NOL4: variants seen among roughly 807,000 people sequenced by gnomAD.
NOL4 encodes cancer/testis antigen 125.
NOL4 carries 17 observed loss-of-function variants against 75.9 expected under a neutral mutation model. The ratio of observed to expected loss-of-function variants is 0.22; its 90% CI spans 0.15 to 0.34. NOL4 has a LOEUF of 0.34. NOL4 is among the 10% of genes least tolerant of loss of function. The pLI is 1.00. For synonymous variants in NOL4, 292 were observed against 289.9 expected (o/e 1.01, Z -0.07); for missense variants, 614 against 793.5 (o/e 0.77, Z 2.72).
chr18:33,950,400 A>C (rs1192820522), intron 8 of NOL4, among the ~76,000 whole-genome samples: 1 of 152,154 alleles, frequency 6.6e-6, no homozygotes, highest in Non-Finnish European at 1.5e-5. Context: ...ATGTCACACA[A>C]TAAAAATTAT....
intron 6 of NOL4, among the ~76,000 whole-genome samples, chr18:34,010,466 G>A (rs181311643): frequency 1.3e-5 from 2 of 151,986 alleles, no homozygotes; most frequent in Non-Finnish European, 2.9e-5. Flanking sequence ...AAACATGGAT[G>A]TACAGCTAGC....
chr18:34,137,779 T>TACACACACACACACAC (rs1156472289), intron 1 of NOL4, among the ~76,000 whole-genome samples: 38 of 147,152 alleles, frequency 2.6e-4, no homozygotes, highest in Non-Finnish European at 3.6e-4. Context: ...ATATACGAAA[T>TACACACACACACACAC]ACACACACAC....
chr18:34,152,312 G>A (rs1490567508), intron 1 of NOL4, among the ~76,000 whole-genome samples: 1 of 151,710 alleles, frequency 6.6e-6, no homozygotes, highest in African/African-American at 2.4e-5. Flanking sequence ...TGTAAAAATA[G>A]GACTCTTAAA....
intron 1 of NOL4, among the ~76,000 whole-genome samples, chr18:34,172,733 T>C (rs1167287469): frequency 2.0e-5 from 3 of 152,122 alleles, no homozygotes; most frequent in Admixed American, 1.3e-4. Context: ...TGATATCTCA[T>C]TGTGGTCCTA....
Position 33,883,363 on chromosome 18 carries a change from G to A in NOL4, c.1604C>T (p.Thr535Ile). The change falls in exon 10 of 11, where the codon ACA (threonine) becomes ATA (isoleucine). Residue 535 changes from threonine (T) to isoleucine (I), a missense_variant. Around this residue, in one of 9 missense-constraint regions of NOL4, gnomAD observed 128 missense variants for 159.9 expected, o/e 0.80. Coordinates refer to ENST00000261592, the MANE Select transcript of NOL4 (RefSeq NM_003787.5). ...GTCCTGTGAGCCTGGAACAGCTGAT[G>A]TTGAGTAAGTGGCCTGGGTCGCCTC... The part of the protein sequence containing the change: ...KPEATQATYS[T>I]SAVPGSQDVL... 1.2e-6 allele frequency: 2 copies of A among 1,613,292 alleles called. No individual in the cohort carries two copies. Among genetic ancestry groups the A allele is most frequent in the South Asian group, 1.1e-5 (1 of 91,042 alleles).
chr18:33,977,514 C>G (rs1224205185), intron 6 of NOL4, among the ~76,000 whole-genome samples: 2 of 152,110 alleles, frequency 1.3e-5, no homozygotes, highest in Admixed American at 6.6e-5. Flanking sequence ...GATTGTGAGG[C>G]CTTCCCAGCC....
chr18:34,172,520 T>A (rs1248619448), intron 1 of NOL4, among the ~76,000 whole-genome samples: 2 of 152,128 alleles, frequency 1.3e-5, no homozygotes, highest in African/African-American at 2.4e-5. Context: ...AGATACTGAT[T>A]TCATTCTTTT....
At chr18:33,890,520 A>T (rs976822248) in intron 9 of NOL4, among the ~76,000 whole-genome samples, 7 of 152,128 alleles carry the variant, frequency 4.6e-5, no homozygotes, top group Non-Finnish European at 1.0e-4. Context: ...ATTGGAAAAA[A>T]CTTTAAAATT....
At chr18:33,986,698 T>C (rs1005275603) in intron 6 of NOL4, among the ~76,000 whole-genome samples, 1 of 152,156 alleles carries the variant, frequency 6.6e-6, no homozygotes, top group African/African-American at 2.4e-5. Flanking sequence ...ATAGCCACTT[T>C]GACAATCAGT....
intron 9 of NOL4, among the ~76,000 whole-genome samples, chr18:33,932,097 T>G (rs1368115733): frequency 6.6e-6 from 1 of 152,130 alleles, no homozygotes; most frequent in Non-Finnish European, 1.5e-5. Context: ...AAATAGTACC[T>G]GATGATTTCA....
At chr18:33,890,618 T>C (rs562618341) in intron 9 of NOL4, among the ~76,000 whole-genome samples, 2 of 152,192 alleles carry the variant, frequency 1.3e-5, no homozygotes, top group South Asian at 2.1e-4. Flanking sequence ...CAGCTGATAA[T>C]GAGAACTTTT....
intron 5 of NOL4, among the ~76,000 whole-genome samples, chr18:34,031,443 C>G (rs1037325002): frequency 1.3e-5 from 2 of 152,156 alleles, no homozygotes; most frequent in Non-Finnish European, 2.9e-5. Flanking sequence ...TTTCCAAGTC[C>G]TGTACATATC....
chr18:33,861,541 C>T (rs970772940), intron 10 of NOL4, among the ~76,000 whole-genome samples: 5 of 151,710 alleles, frequency 3.3e-5, no homozygotes, highest in Non-Finnish European at 7.4e-5. Context: ...CTTTATTAGT[C>T]TTGCTAGCAG....
chr18:34,209,379 TA>T (rs913286114), intron 1 of NOL4, among the ~76,000 whole-genome samples: 1 of 152,090 alleles, frequency 6.6e-6, no homozygotes, highest in African/African-American at 2.4e-5. Flanking sequence ...ACCATAACTC[TA>T]AAAAATATGC....
intron 9 of NOL4, among the ~76,000 whole-genome samples, chr18:33,930,602 C>T (rs1479433577): frequency 1.3e-5 from 2 of 152,030 alleles, no homozygotes; most frequent in Admixed American, 1.3e-4. Context: ...AACCAAAGAG[C>T]AAGTAAGTAC....
At chr18:33,894,440 A>G (rs755326434) in intron 9 of NOL4, among the ~76,000 whole-genome samples, 5 of 152,118 alleles carry the variant, frequency 3.3e-5, no homozygotes, top group Non-Finnish European at 7.4e-5. Context: ...GGCCATACAA[A>G]TGATTAAGTA....
At chr18:34,017,595 T>C (rs144889494) in intron 6 of NOL4, among the ~76,000 whole-genome samples, 1 of 152,310 alleles carries the variant, frequency 6.6e-6, no homozygotes, top group Admixed American at 6.5e-5. Flanking sequence ...TATGTTCTTT[T>C]TGAAGACAAT....
At chr18:34,206,794 A>AT (rs746977787) in intron 1 of NOL4, among the ~76,000 whole-genome samples, 97 of 151,814 alleles carry the variant, frequency 6.4e-4, no homozygotes, top group Non-Finnish European at 5.2e-4. Flanking sequence ...TTATTTTTCT[A>AT]TTTTTTTTAT....
In NOL4 at chr18:33,931,043, T is replaced by C. The variant is rs561586756; in HGVS notation, c.1542+12022A>G. Among the ~76,000 whole-genome samples, 9 of 152,158 alleles carry C rather than the reference T, an allele frequency of 5.9e-5. No individual in the cohort carries two copies. The South Asian group carries it at 1.9e-3, about 32-fold the overall frequency. ...CCACATCATTGTTACTTCTAGGCTC[T>C]GGCAAATTAAAAAAACACAGGAAAG... On this transcript the variant is annotated intron_variant, in intron 9 of 10. Transcript: ENST00000261592.
Sources: allele counts gnomAD v4.1 joint callset (sites outside exome capture counted in the v4.1 genomes callset), GRCh38; gene constraint gnomAD v4.1.1; regional missense constraint gnomAD v4.1.1; transcripts MANE v1.5; gene names NCBI Gene and HGNC (gene_info 2026-07-23, HGNC 2026-07-21).